Variants in PLEKHH2 observed in about 807,000 individuals in gnomAD.
PLEKHH2 encodes pleckstrin homology domain-containing family H member 2.
PLEKHH2 carries 129 observed loss-of-function variants against 187.9 expected under a neutral mutation model. That is an observed-to-expected ratio of 0.69 (90% CI 0.59 to 0.79). The LOEUF (loss-of-function observed/expected upper bound fraction) is 0.79. Among genes scored for constraint, PLEKHH2 ranks in the 30% least tolerant of loss-of-function variants. The probability of loss-of-function intolerance (pLI) is 0.00; values close to 1 mark genes in which losing one functional copy is unlikely to be tolerated. For synonymous variants in PLEKHH2, 686 were observed against 605.6 expected, an observed-to-expected ratio of 1.13 and a Z score of -1.95; for missense variants, 2,076 against 1,751.2, an observed-to-expected ratio of 1.19 and a Z score of -3.31.
chr2:43,671,036 G>A (rs1479421029), intron 2 of PLEKHH2, among the ~76,000 whole-genome samples: 1 of 151,032 alleles, frequency 6.6e-6, no homozygotes, highest in African/African-American at 2.4e-5. Context: ...CCAGGCTGGA[G>A]TGTGATGCGT....
intron 15 of PLEKHH2, among the ~76,000 whole-genome samples, chr2:43,719,890 G>A (rs1403909279): frequency 6.6e-6 from 1 of 151,016 alleles, no homozygotes; most frequent in Non-Finnish European, 1.5e-5. Flanking sequence ...GTGCAATTCT[G>A]TTACATGCAT....
chr2:43,672,301 T>C (rs987906603), intron 2 of PLEKHH2, among the ~76,000 whole-genome samples: 2 of 152,240 alleles, frequency 1.3e-5, no homozygotes, highest in Non-Finnish European at 2.9e-5. Context: ...GAGCTATCAA[T>C]TGTATTGATA....
chr2:43,741,936 A>G (rs1157881674), intron 21 of PLEKHH2, among the ~76,000 whole-genome samples: 1 of 152,232 alleles, frequency 6.6e-6, no homozygotes, highest in African/African-American at 2.4e-5. Context: ...TCTAATGCTT[A>G]ACAGTTTTTC....
chr2:43,707,237 C>G (rs920689041), intron 10 of PLEKHH2, among the ~76,000 whole-genome samples, 164 bp from the exon 11 acceptor site: 1 of 150,978 alleles, frequency 6.6e-6, no homozygotes, highest in Non-Finnish European at 1.5e-5. Context: ...TGACTTCTTC[C>G]TGTAAAACTT....
chr2:43,710,746 C>G, intron 14 of PLEKHH2, 171 bp downstream of exon 14: 4 of 1,398,844 alleles, frequency 2.9e-6, no homozygotes, highest in Non-Finnish European at 3.7e-6. Flanking sequence ...TTGGTTAAAA[C>G]TATAATGTAA....
rs558946969 is a variant in PLEKHH2, at chr2:43,644,707, G to T, written c.34G>T (p.Asp12Tyr). 6.8e-6 allele frequency: 11 copies of T among 1,607,440 alleles called. No homozygotes were observed. The Middle Eastern group carries it at 5.0e-4, about 73-fold the overall frequency. ...GCTTTCTGAGCCAGAGGGACCAGTAGATTGGAAGGAACGATGTGTAGCTCT... is the reference window on the plus strand; with the variant it reads ...GCTTTCTGAGCCAGAGGGACCAGTATATTGGAAGGAACGATGTGTAGCTCT... ...AELSEPEGPV[D>Y]WKERCVALES... The change falls in exon 2 of 30, where the codon GAT (aspartate) becomes TAT (tyrosine). Residue 12 changes from aspartate to tyrosine, a missense_variant. Coordinates refer to ENST00000282406, the MANE Select transcript of PLEKHH2 (RefSeq NM_172069.4).
At chr2:43,715,964 T>C (rs1196016263) in intron 15 of PLEKHH2, among the ~76,000 whole-genome samples, 1 of 152,072 alleles carries the variant, frequency 6.6e-6, no homozygotes, top group Admixed American at 6.6e-5. Context: ...TAAGGAGATG[T>C]GTGCAGAGGT....
At chr2:43,699,305 C>T (rs977242589) in intron 7 of PLEKHH2, among the ~76,000 whole-genome samples, 2 of 151,864 alleles carry the variant, frequency 1.3e-5, no homozygotes, top group East Asian at 3.9e-4. Flanking sequence ...TTATAGTTTT[C>T]AAAAACTTGT....
intron 24 of PLEKHH2, among the ~76,000 whole-genome samples, chr2:43,749,258 T>C (rs557108714): frequency 2.0e-4 from 31 of 152,284 alleles, no homozygotes; most frequent in African/African-American, 7.5e-4. Context: ...GACAGTTGGT[T>C]GAGTTTATCC....
At chr2:43,726,572 C>T in intron 17 of PLEKHH2, 121 bp downstream of exon 17, 1 of 866,152 alleles carries the variant, frequency 1.2e-6, no homozygotes, top group Non-Finnish European at 1.8e-6. Flanking sequence ...AGACTTTCAC[C>T]TCTGTTTTCA....
intron 14 of PLEKHH2, 188 bp downstream of exon 14, chr2:43,710,763 T>C: frequency 7.3e-7 from 1 of 1,367,058 alleles, no homozygotes; most frequent in African/African-American, 1.5e-5. Context: ...GTAAGTTAGG[T>C]GTGTGTTGAG....
rs186229105 is a variant in PLEKHH2, at chr2:43,666,725, C to T, written c.124-12138C>T. 7.2e-5 allele frequency among the ~76,000 whole-genome samples: 11 copies of T among 152,258 alleles called. 2 individuals carry two copies. In the East Asian group the frequency reaches 1.5e-3, roughly 21 times the overall value. On this transcript the variant is annotated intron_variant, in intron 2 of 29. Transcript: ENST00000282406. ...ACTAATGATGTTGACCATCTTTTTA[C>T]GTATTTAACTTGCTATCCATATTTA...
At chr2:43,724,466 C>G (rs1235919617) in intron 16 of PLEKHH2, among the ~76,000 whole-genome samples, 1 of 152,148 alleles carries the variant, frequency 6.6e-6, no homozygotes, top group Admixed American at 6.6e-5. Flanking sequence ...TAAATTAGAG[C>G]AAAAGTTTTA....
chr2:43,695,098 A>G (rs1669022149), intron 5 of PLEKHH2, 45 bp from the exon 6 acceptor site: 3 of 1,042,588 alleles, frequency 2.9e-6, no homozygotes, highest in East Asian at 5.5e-5. Context: ...GTACATTTTT[A>G]TAATATTATC....
intron 21 of PLEKHH2, among the ~76,000 whole-genome samples, chr2:43,742,449 A>T (rs34474705): frequency 0.079 from 12,075 of 152,180 alleles, 538 homozygotes; most frequent in African/African-American, 0.1. Flanking sequence ...TTAATATTAA[A>T]TCACTGTATA....
chr2:43,703,227 G>A lies in PLEKHH2; in HGVS notation c.1651-754G>A, dbSNP rs1046155861. Among the ~76,000 whole-genome samples, 8 of 152,282 alleles carry A rather than the reference G, an allele frequency of 5.3e-5. No individual in the cohort carries two copies. The South Asian group carries it at 1.5e-3, about 28-fold the overall frequency. On this transcript the variant is annotated intron_variant, in intron 8 of 29. Transcript: ENST00000282406. ...AAGTTAGACCCATTATTAAATTCAGGACATGTTGCTCTATGCATTAGGAAC... is the reference window on the plus strand; with the variant it reads ...AAGTTAGACCCATTATTAAATTCAGAACATGTTGCTCTATGCATTAGGAAC...
chr2:43,698,251 CTT>C (rs34391523), intron 7 of PLEKHH2, among the ~76,000 whole-genome samples: 18 of 143,878 alleles, frequency 1.3e-4, no homozygotes, highest in East Asian at 2.0e-4. Flanking sequence ...TTCTCTCTCT[CTT>C]TTTTTTTTTT....
At chr2:43,649,843 T>G (rs1433409027) in intron 2 of PLEKHH2, among the ~76,000 whole-genome samples, 2 of 152,294 alleles carry the variant, frequency 1.3e-5, no homozygotes, top group East Asian at 1.9e-4. Flanking sequence ...TCCACATCAG[T>G]GGGTGTGAAG....
At chr2:43,706,707 A>C (rs1026002165) in intron 10 of PLEKHH2, among the ~76,000 whole-genome samples, 5 of 152,216 alleles carry the variant, frequency 3.3e-5, no homozygotes, top group Non-Finnish European at 5.9e-5. Context: ...TAATAATGTA[A>C]TGAAAACTCC....
Sources: gnomAD v4.1 joint callset for allele counts (sites outside exome capture counted in the v4.1 genomes callset) on GRCh38, gnomAD v4.1.1 for gene constraint, MANE v1.5 for transcripts, NCBI Gene and HGNC (gene_info 2026-07-23, HGNC 2026-07-21) for gene names.